Variants in BRI3 observed in about 807,000 individuals in gnomAD.
The protein encoded by BRI3 is brain protein I3.
In BRI3, 6 loss-of-function variants were observed where a neutral mutation model predicts 12.8. The ratio of observed to expected loss-of-function variants is 0.47; its 90% confidence interval spans 0.26 to 0.93. The LOEUF (loss-of-function observed/expected upper bound fraction) is 0.93, where lower values mean the gene tolerates loss of function less well. BRI3 is among the 40% of genes least tolerant of loss of function. The pLI, the probability that BRI3 is intolerant of heterozygous loss-of-function variation, is 0.15. For synonymous variants in BRI3, 91 were observed against 76.1 expected (o/e 1.20, Z -1.02); for missense variants, 134 against 171.1 (o/e 0.78, Z 1.21).
chr7:98,306,540 A>G, exon 1 of BRI3: 1 of 1,614,100 alleles, frequency 6.2e-7, no homozygotes, highest in Admixed American at 1.7e-5. Flanking sequence ...GGGAGAAAAG[A>G]CCCTATCAGC....
chr7:98,288,810 G>T (rs1799797955), intron 2 of BRI3, among the ~76,000 whole-genome samples: 2 of 151,642 alleles, frequency 1.3e-5, no homozygotes, highest in Admixed American at 1.3e-4. Context: ...TGCCCAGGCT[G>T]GTTTTGAACT....
chr7:98,292,897 G>GAGTAACCAGCC, downstream of BRI3: 2 of 1,422,536 alleles, frequency 1.4e-6, no homozygotes, highest in South Asian at 3.1e-5. Flanking sequence ...CGAGTGCTAC[G>GAGTAACCAGCC]TGTGGCTGTG....
intron 2 of BRI3, among the ~76,000 whole-genome samples, chr7:98,289,526 G>A (rs577879885): frequency 1.1e-4 from 17 of 152,326 alleles, no homozygotes; most frequent in Admixed American, 6.5e-5. Context: ...CTTCCCTGTC[G>A]CAGGCAGGCG....
chr7:98,320,073 G>A, the BRI3 span: 22 of 1,613,290 alleles, frequency 1.4e-5, no homozygotes, highest in South Asian at 3.3e-5. Flanking sequence ...TATATTTCAC[G>A]TCAAGTTCTA....
intron 1 of BRI3, among the ~76,000 whole-genome samples, chr7:98,299,053 T>C (rs1562963485): frequency 6.6e-6 from 1 of 152,144 alleles, no homozygotes; most frequent in Non-Finnish European, 1.5e-5. Context: ...TTTCCTCTTG[T>C]TGCCCAGGCT....
At chr7:98,288,033 T>TGG (rs1282191255) in intron 2 of BRI3, among the ~76,000 whole-genome samples, 16 of 152,174 alleles carry the variant, frequency 1.1e-4, no homozygotes, top group Non-Finnish European at 5.9e-5. Context: ...CCGGTGACAC[T>TGG]GGGGACCACT....
At chr7:98,306,389 C>T, upstream of BRI3, 1 of 1,604,100 alleles carries the variant, frequency 6.2e-7, no homozygotes, top group Non-Finnish European at 8.5e-7. Flanking sequence ...ACAGAAACGA[C>T]AAGGCAGGGG....
Position 98,282,631 on chromosome 7 carries a change from C to G in BRI3, c.245+178C>G, listed in dbSNP as rs187834075. 6.6e-4 allele frequency: 398 copies of G among 601,710 alleles called. 7 individuals carry two copies. Among genetic ancestry groups the G allele is most frequent in the South Asian group, 5.5e-3 (277 of 50,650 alleles). The allele number at this position is 601,710 out of a possible 1,614,324, so 37.3% of individuals were successfully genotyped here. On this transcript the variant is annotated intron_variant, in intron 2 of 2. Coordinates refer to ENST00000297290, the MANE Select transcript of BRI3 (RefSeq NM_015379.5). The stretch of plus-strand genomic sequence containing the variant: ...GAATGCGGTGTGGGAGAGTGCGGGT[C>G]CGCTCACCCTTGGCTCTGAACACAT...
intron 2 of BRI3, among the ~76,000 whole-genome samples, chr7:98,290,165 C>G (rs546937718): frequency 6.8e-6 from 1 of 147,340 alleles, no homozygotes; most frequent in Admixed American, 6.8e-5. Context: ...CCAAAATGAT[C>G]ATGCCTCTCA....
At chr7:98,303,374 C>T (rs1250926109), upstream of BRI3, among the ~76,000 whole-genome samples, 1 of 152,166 alleles carries the variant, frequency 6.6e-6, no homozygotes, top group Non-Finnish European at 1.5e-5. Flanking sequence ...CACCACCCAG[C>T]CTCCTCCCCT....
the BRI3 span, chr7:98,320,271 G>A: frequency 5.0e-4 from 802 of 1,609,298 alleles, no homozygotes; most frequent in African/African-American, 3.3e-3. Flanking sequence ...TTTCTTGTGG[G>A]TACTTGAAAT....
chr7:98,295,621 TC>T (rs1562962086), downstream of BRI3, among the ~76,000 whole-genome samples: 1 of 152,094 alleles, frequency 6.6e-6, no homozygotes. Flanking sequence ...TTCATGCCAA[TC>T]CTGACTCCAC....
intron 2 of BRI3, among the ~76,000 whole-genome samples, chr7:98,286,827 C>T (rs754672043): frequency 1.3e-5 from 2 of 152,256 alleles, no homozygotes; most frequent in Non-Finnish European, 2.9e-5. Context: ...GGATAAATTA[C>T]GACTATAAAT....
chr7:98,299,183 T>A (rs1800315528), intron 1 of BRI3, among the ~76,000 whole-genome samples: 1 of 151,308 alleles, frequency 6.6e-6, no homozygotes, highest in Non-Finnish European at 1.5e-5. Flanking sequence ...GCCCAGCTAA[T>A]TTTTTTTGTA....
chr7:98,309,470 A>T (rs1800792418), exon 2 of BRI3: 1 of 151,914 alleles, frequency 6.6e-6, no homozygotes, highest in African/African-American at 2.4e-5. Context: ...AGCAATTTTC[A>T]TTCTGCTTTT....
intron 2 of BRI3, among the ~76,000 whole-genome samples, chr7:98,287,867 C>T (rs767648775): frequency 1.7e-4 from 26 of 152,318 alleles, no homozygotes; most frequent in African/African-American, 5.3e-4. Flanking sequence ...GGGCTCCAGC[C>T]GGGCTCCCCA....
intron 2 of BRI3, among the ~76,000 whole-genome samples, chr7:98,287,369 C>T (rs1453104107): frequency 2.6e-5 from 4 of 152,226 alleles, no homozygotes; most frequent in Non-Finnish European, 5.9e-5. Flanking sequence ...AACGGCCCAG[C>T]CCTGTGCTCT....
the BRI3 span, among the ~76,000 whole-genome samples, chr7:98,321,022 A>G: frequency 6.6e-6 from 1 of 151,726 alleles, no homozygotes; most frequent in Non-Finnish European, 1.5e-5. Flanking sequence ...ACACTCAGCT[A>G]TTTTTTTGGG....
chr7:98,307,920 A>G (rs1461195344), exon 2 of BRI3: 2 of 1,611,492 alleles, frequency 1.2e-6, no homozygotes, highest in South Asian at 2.2e-5. Context: ...TGTAGCAGTA[A>G]TGGCTTTTCA....
Sources: allele counts gnomAD v4.1 joint callset (sites outside exome capture counted in the v4.1 genomes callset), GRCh38; gene constraint gnomAD v4.1.1; transcripts MANE v1.5; gene names NCBI Gene and HGNC (gene_info 2026-07-23, HGNC 2026-07-21).